STAU1: variants seen among roughly 807,000 people sequenced by gnomAD.
The protein encoded by STAU1 is staufen double-stranded RNA binding protein 1.
In STAU1, 13 loss-of-function variants were observed where a neutral mutation model predicts 62.9. The observed-to-expected ratio is 0.21, with a 90% CI of 0.13 to 0.33. The LOEUF (loss-of-function observed/expected upper bound fraction) is 0.33, where lower values mean the gene tolerates loss of function less well. Among genes scored for constraint, STAU1 ranks in the 10% least tolerant of loss-of-function variants. The pLI is 1.00. For missense variants in STAU1, 571 were observed against 712.1 expected, an observed-to-expected ratio of 0.80 and a Z score of 2.25; for synonymous variants, 269 against 265.1, an observed-to-expected ratio of 1.01 and a Z score of -0.14.
chr20:49,167,329 C>G lies in STAU1; in HGVS notation c.-84-1044G>C, dbSNP rs2093539709. Among the ~76,000 whole-genome samples, 3 of 152,096 alleles carry G rather than the reference C, an allele frequency of 2.0e-5. No homozygotes were observed. The South Asian group carries it at 6.2e-4, about 32-fold the overall frequency. ...AATTAGAAGTTCTATTATAAAGAAA[C>G]AGTTACTTTAATTTTTTTTAAGTAT... is the stretch of plus-strand genomic sequence containing the variant. On this transcript the variant is annotated intron_variant, in intron 2 of 13. Coordinates refer to ENST00000371856, the MANE Select transcript of STAU1 (RefSeq NM_017453.4).
At chr20:49,215,071 C>T in the STAU1 span, among the ~76,000 whole-genome samples, 7 of 152,206 alleles carry the variant, frequency 4.6e-5, no homozygotes, top group Non-Finnish European at 7.3e-5. Flanking sequence ...ACCTTAGAAG[C>T]GCAGGCTCCT....
At chr20:49,171,169 C>A (rs548698404) in intron 2 of STAU1, among the ~76,000 whole-genome samples, 5 of 152,352 alleles carry the variant, frequency 3.3e-5, no homozygotes, top group African/African-American at 1.2e-4. Flanking sequence ...AGAGGCTCCA[C>A]TCCCAGAGAA....
chr20:49,150,748 G>C (rs1435828744), intron 5 of STAU1, among the ~76,000 whole-genome samples: 2 of 152,054 alleles, frequency 1.3e-5, no homozygotes, highest in Non-Finnish European at 2.9e-5. Flanking sequence ...GAATATGGCA[G>C]ACACGATGCT....
the STAU1 span, among the ~76,000 whole-genome samples, chr20:49,219,013 CAAAAAAAAAAAAAA>C: frequency 3.8e-5 from 2 of 53,176 alleles, no homozygotes; most frequent in South Asian, 1.2e-3. Flanking sequence ...AACCCTGCCT[CAAAAAAAAAAAAAA>C]AAAAAAAAAA....
chr20:49,129,894 T>C (rs1410804187), intron 6 of STAU1, among the ~76,000 whole-genome samples: 2 of 152,134 alleles, frequency 1.3e-5, no homozygotes, highest in Non-Finnish European at 2.9e-5. Context: ...TCCTGAAGTG[T>C]TGGGATTACA....
chr20:49,202,487 C>A, the STAU1 span, among the ~76,000 whole-genome samples: 6 of 151,222 alleles, frequency 4.0e-5, no homozygotes, highest in African/African-American at 1.5e-4. Context: ...TTGCTTGAAC[C>A]CAGGAGGTGG....
intron 6 of STAU1, among the ~76,000 whole-genome samples, chr20:49,131,539 AT>A (rs894868927): frequency 6.6e-6 from 1 of 152,178 alleles, no homozygotes; most frequent in African/African-American, 2.4e-5. Flanking sequence ...TAATATGTAT[AT>A]TTATGGAAAA....
chr20:49,180,566 C>A (rs1044486065), intron 1 of STAU1, among the ~76,000 whole-genome samples: 2 of 152,174 alleles, frequency 1.3e-5, no homozygotes, highest in African/African-American at 4.8e-5. Context: ...TCAGGTGATG[C>A]GCCTGCCTTG....
intron 7 of STAU1, among the ~76,000 whole-genome samples, chr20:49,123,443 C>G (rs778067715): frequency 1.8e-4 from 27 of 151,900 alleles, no homozygotes; most frequent in Non-Finnish European, 3.2e-4. Context: ...CTTAGCAAAC[C>G]AACATCAACA....
intron 2 of STAU1, among the ~76,000 whole-genome samples, chr20:49,167,965 T>C (rs2146413539): frequency 6.6e-6 from 1 of 152,308 alleles, no homozygotes; most frequent in East Asian, 1.9e-4. Context: ...GAGTGGCTCT[T>C]AGAGTTTAAG....
chr20:49,194,429 CAA>C, the STAU1 span, among the ~76,000 whole-genome samples: 276 of 81,124 alleles, frequency 3.4e-3, no homozygotes, highest in African/African-American at 0.011. Flanking sequence ...AACTCCGTCT[CAA>C]AAAAAAAAAA....
intron 6 of STAU1, chr20:49,134,448 A>AAAAAAAAAAAAAAAAAAAAACC: frequency 1.6e-6 from 1 of 625,656 alleles, no homozygotes; most frequent in Non-Finnish European, 2.8e-6. Flanking sequence ...AAAAAAAAAA[A>AAAAAAAAAAAAAAAAAAAAACC]AGCTCTGGGT....
intron 4 of STAU1, among the ~76,000 whole-genome samples, 199 bp from the exon 5 acceptor site, chr20:49,151,946 G>T (rs931814629): frequency 2.0e-5 from 3 of 152,184 alleles, no homozygotes; most frequent in African/African-American, 7.2e-5. Context: ...TAAGCAAAGA[G>T]TGTTTAGCAA....
At chr20:49,133,957 C>T (rs532869334) in intron 6 of STAU1, among the ~76,000 whole-genome samples, 3 of 152,182 alleles carry the variant, frequency 2.0e-5, no homozygotes, top group South Asian at 2.1e-4. Context: ...GGTGCTAGCA[C>T]ATAGGAGGAG....
At chr20:49,202,100 G>C in the STAU1 span, among the ~76,000 whole-genome samples, 1 of 150,192 alleles carries the variant, frequency 6.7e-6, no homozygotes, top group Non-Finnish European at 1.5e-5. Flanking sequence ...GGTGCCTGTA[G>C]TCCCAGCTAC....
In STAU1 at chr20:49,157,275, G is replaced by C. The variant is rs79921872; in HGVS notation, c.206-3204C>G. Among the ~76,000 whole-genome samples the C allele has an allele frequency of 9.0e-3, 1,375 of 152,268 alleles. 20 individuals are homozygous for C. Among genetic ancestry groups the C allele is most frequent in the African/African-American group, 0.029 (1,190 of 41,534 alleles). On this transcript the variant is annotated intron_variant, in intron 3 of 13. Transcript: ENST00000371856. The stretch of plus-strand genomic sequence containing the variant: ...CACAAATTAAGACAATGTTTGTTTT[G>C]ATGCTGCAATGTGTTTGTGGGCTCT...
chr20:49,203,975 G>A, the STAU1 span, among the ~76,000 whole-genome samples: 21 of 152,288 alleles, frequency 1.4e-4, no homozygotes, highest in Admixed American at 5.9e-4. Flanking sequence ...GGGCCACCTC[G>A]CCTGGCCAGG....
intron 3 of STAU1, chr20:49,158,314 A>C (rs2093396208): frequency 3.1e-6 from 2 of 643,482 alleles, no homozygotes; most frequent in Non-Finnish European, 4.7e-6. Context: ...TGAAGCTTTT[A>C]TTCTTCTGAT....
intron 3 of STAU1, chr20:49,159,093 A>G: frequency 6.0e-6 from 7 of 1,163,958 alleles, no homozygotes; most frequent in Non-Finnish European, 7.6e-6. Context: ...ACGCAGTACA[A>G]TCCCTGGGTC....
Sources: allele counts gnomAD v4.1 joint callset (sites outside exome capture counted in the v4.1 genomes callset), GRCh38; gene constraint gnomAD v4.1.1; transcripts MANE v1.5; gene names NCBI Gene and HGNC (gene_info 2026-07-23, HGNC 2026-07-21).